The following MSI2 variants were observed in gnomAD, a reference collection of about 807,000 sequenced individuals.
MSI2 encodes the protein musashi RNA binding protein 2.
A neutral mutation model predicts 45.6 loss-of-function variants in MSI2; 17 were observed. The observed-to-expected ratio is 0.37, with a 90% CI of 0.26 to 0.56. The LOEUF (loss-of-function observed/expected upper bound fraction) is 0.56, where lower values mean the gene tolerates loss of function less well. Ranked by LOEUF, MSI2 falls within the 20% of genes least tolerant of loss-of-function variation. The probability of loss-of-function intolerance (pLI) is 0.77; values close to 1 mark genes in which losing one functional copy is unlikely to be tolerated. For missense variants in MSI2, 293 were observed against 444.2 expected, an observed-to-expected ratio of 0.66 and a Z score of 3.06; for synonymous variants, 156 against 158.2, an observed-to-expected ratio of 0.99 and a Z score of 0.11.
intron 6 of MSI2, among the ~76,000 whole-genome samples, chr17:57,415,400 GGGT>G (rs2084276008): frequency 6.6e-6 from 1 of 152,106 alleles, no homozygotes; most frequent in Non-Finnish European, 1.5e-5. Context: ...GGATTATGTG[GGGT>G]GAAGTTGAAC....
At chr17:57,417,508 C>T (rs775428275) in intron 6 of MSI2, among the ~76,000 whole-genome samples, 5 of 152,124 alleles carry the variant, frequency 3.3e-5, no homozygotes, top group African/African-American at 7.2e-5. Flanking sequence ...TACAGATGCT[C>T]CCCTTCTTGC....
chr17:57,688,771 G>A (rs1425592056), downstream of MSI2, among the ~76,000 whole-genome samples: 2 of 152,092 alleles, frequency 1.3e-5, no homozygotes, highest in African/African-American at 4.8e-5. Context: ...ATGGGCTCTG[G>A]GATGTGGGGC....
rs529448757 is a variant in MSI2 at position 57,615,211 on chromosome 17, T to G, written c.538-759T>G. The stretch of plus-strand genomic sequence containing the variant: ...GGCGTGATCATGGCTCACTGCAGCC[T>G]TGACCTCCCAGACTCAGGTGATCCC... On this transcript the variant is annotated intron_variant, in intron 8 of 13. Coordinates refer to ENST00000284073, the MANE Select transcript of MSI2 (RefSeq NM_138962.4). Among the ~76,000 whole-genome samples the G allele has an allele frequency of 5.3e-5, 8 of 151,492 alleles. 1 individual carries two copies. In the South Asian group the frequency reaches 1.7e-3, roughly 32 times the overall value.
At position 57,594,965 on chromosome 17, in the gene MSI2, G is replaced by A. The variant is rs559193721; in HGVS notation, c.455-1903G>A. Among the ~76,000 whole-genome samples the A allele has an allele frequency of 1.1e-4, 16 of 152,330 alleles. No homozygotes were observed. The South Asian group carries it at 1.5e-3, about 14-fold the overall frequency. On this transcript the variant is annotated intron_variant, in intron 7 of 13. Coordinates refer to ENST00000284073, the MANE Select transcript of MSI2 (RefSeq NM_138962.4). ...TAGCAAATGACATGATAAAGATCAC[G>A]ATTGCTGTGTTTCGTGGTCCTAGCC...
At chr17:57,653,633 CTT>C (rs1438154416) in intron 11 of MSI2, among the ~76,000 whole-genome samples, 1 of 152,226 alleles carries the variant, frequency 6.6e-6, no homozygotes, top group Non-Finnish European at 1.5e-5. Flanking sequence ...AAAGAAAACT[CTT>C]GAGATTTTTG....
rs1200429109 is a variant in MSI2 at position 57,680,270 on chromosome 17, T to C, written c.*753T>C. 2 of 229,002 alleles carry C rather than the reference T, an allele frequency of 8.7e-6. No individual in the cohort carries two copies. The highest frequency in any genetic ancestry group is 1.7e-5 in the Non-Finnish European group (2 of 115,452). 14.2% of individuals were successfully genotyped at this position (229,002 alleles called of 1,614,324 possible). On this transcript the variant is annotated 3_prime_UTR_variant, in exon 14 of 14. Coordinates refer to ENST00000284073, the MANE Select transcript of MSI2 (RefSeq NM_138962.4). ...GACAGTGTTTTGAGTGTCCTCCTTT[T>C]CTATAAGTGCTTTTTTTCTGTTGAA...
At chr17:57,438,601 C>G (rs1231972919) in intron 6 of MSI2, among the ~76,000 whole-genome samples, 1 of 152,104 alleles carries the variant, frequency 6.6e-6, no homozygotes, top group Non-Finnish European at 1.5e-5. Flanking sequence ...GCAGGAAGGT[C>G]AGGCCTGTTT....
Position 57,538,523 on chromosome 17 carries a change from C to T in MSI2, c.454+8799C>T, listed in dbSNP as rs541313873. The stretch of plus-strand genomic sequence containing the variant: ...CTCCCTTGTGAAGGTAACACACCCG[C>T]TCTGTAAGAGTTAAATGATTCCGCT... On this transcript the variant is annotated intron_variant, in intron 7 of 13. Coordinates refer to ENST00000284073, the MANE Select transcript of MSI2 (RefSeq NM_138962.4). 3.3e-3 allele frequency among the ~76,000 whole-genome samples: 509 copies of T among 152,294 alleles called. 5 individuals are homozygous for T. The highest frequency in any genetic ancestry group is 0.017 in the Middle Eastern group (5 of 294).
intron 7 of MSI2, among the ~76,000 whole-genome samples, chr17:57,568,996 G>C (rs2144295583): frequency 1.3e-5 from 2 of 152,230 alleles, no homozygotes; most frequent in Middle Eastern, 6.8e-3. Context: ...TCCTGTTGTA[G>C]CCTCTTTTAA....
At chr17:57,368,061 C>G (rs562048834) in intron 5 of MSI2, among the ~76,000 whole-genome samples, 2 of 152,142 alleles carry the variant, frequency 1.3e-5, no homozygotes, top group Admixed American at 1.3e-4. Context: ...AATTGTGGTT[C>G]GGGACCCCTG....
chr17:57,679,265 C>T (rs756836227), intron 13 of MSI2, among the ~76,000 whole-genome samples: 1 of 152,226 alleles, frequency 6.6e-6, no homozygotes, highest in Admixed American at 6.5e-5. Context: ...CCACCACTAC[C>T]TCAACAACCC....
In MSI2 at chr17:57,376,886, A is replaced by G. The variant is rs1031115281; in HGVS notation, c.313-24493A>G. Among the ~76,000 whole-genome samples, 67 of 129,560 alleles carry G rather than the reference A, an allele frequency of 5.2e-4. 1 individual carries two copies. The highest frequency in any genetic ancestry group is 1.8e-3 in the African/African-American group (65 of 35,452). 85.0% of individuals were successfully genotyped at this position (129,560 alleles called of 152,430 possible). ...CCCCGACCCAGGAAAGGGGAAGAAC[A>G]TGGTCATTCTGGGTGTCACGTTGAC... On this transcript the variant is annotated intron_variant, in intron 5 of 13. Transcript: ENST00000284073.
At chr17:57,261,532 C>T (rs1245344789) in intron 4 of MSI2, among the ~76,000 whole-genome samples, 2 of 152,082 alleles carry the variant, frequency 1.3e-5, no homozygotes, top group Non-Finnish European at 2.9e-5. Context: ...AGCTACAGAA[C>T]AGATGATCTT....
At chr17:57,587,617 CT>C (rs1380189802) in intron 7 of MSI2, among the ~76,000 whole-genome samples, 1 of 151,062 alleles carries the variant, frequency 6.6e-6, no homozygotes, top group African/African-American at 2.4e-5. Context: ...CACTAAGTCG[CT>C]TTCCCCCTCC....
At chr17:57,293,462 A>G (rs762869628) in intron 5 of MSI2, among the ~76,000 whole-genome samples, 11 of 152,156 alleles carry the variant, frequency 7.2e-5, no homozygotes, top group Non-Finnish European at 1.0e-4. Flanking sequence ...TCACGCTGCA[A>G]CAGCGCTTGG....
intron 7 of MSI2, among the ~76,000 whole-genome samples, chr17:57,541,629 C>G (rs2087048446): frequency 6.6e-6 from 1 of 152,126 alleles, no homozygotes; most frequent in Non-Finnish European, 1.5e-5. Flanking sequence ...AGTTGGGGGT[C>G]AAAATGGCAA....
intron 7 of MSI2, among the ~76,000 whole-genome samples, chr17:57,563,684 A>ACTGT (rs369283545): frequency 0.1 from 14,859 of 144,970 alleles, 1,443 homozygotes; most frequent in African/African-American, 0.25. Context: ...TTAGTGGCTG[A>ACTGT]CTGTCTGTCT....
In MSI2 at chr17:57,684,490, G is replaced by A. The variant is rs1020899583; in HGVS notation, c.*4973G>A. 5.8e-6 allele frequency: 1 copy of A among 173,092 alleles called. No homozygotes were observed. The highest frequency in any genetic ancestry group is 2.4e-5 in the African/African-American group (1 of 41,804). 10.7% of individuals were successfully genotyped at this position (173,092 alleles called of 1,614,324 possible). On this transcript the variant is annotated 3_prime_UTR_variant, in exon 14 of 14. Transcript: ENST00000284073. ...AAGCATCTTTCAGGTCTTTGTGTGT[G>A]GCTTTCTTAAAGCCCTGTTGTAAAA...
chr17:57,625,941 C>T (rs1908753645), intron 9 of MSI2: 1 of 152,282 alleles, frequency 6.6e-6, no homozygotes, highest in Non-Finnish European at 1.5e-5. Context: ...CTACTGACAC[C>T]AGAATAAATT....
Sources: gnomAD v4.1 joint callset for allele counts (sites outside exome capture counted in the v4.1 genomes callset) on GRCh38, gnomAD v4.1.1 for gene constraint, MANE v1.5 for transcripts, NCBI Gene and HGNC (gene_info 2026-07-23, HGNC 2026-07-21) for gene names.